B9D1: variants seen among roughly 807,000 people sequenced by gnomAD.
B9D1 encodes B9 domain-containing protein 1.
B9D1 carries 20 observed loss-of-function variants against 26.1 expected under a neutral mutation model. That is an observed-to-expected ratio of 0.77 (90% confidence interval 0.54 to 1.12). The LOEUF is 1.12. Ranked by LOEUF, B9D1 falls within the 50% of genes most tolerant of loss-of-function variation. B9D1 has a pLI of 0.00. For missense variants in B9D1, 260 were observed against 273.7 expected, an observed-to-expected ratio of 0.95 and a Z score of 0.35; for synonymous variants, 105 against 103.1, an observed-to-expected ratio of 1.02 and a Z score of -0.11.
At chr17:19,350,593 T>A (rs1170850123) in intron 3 of B9D1, among the ~76,000 whole-genome samples, 1 of 151,882 alleles carries the variant, frequency 6.6e-6, no homozygotes, top group South Asian at 2.1e-4. Context: ...TGGTGGTGCA[T>A]GCCTGTAATC....
intron 1 of B9D1, among the ~76,000 whole-genome samples, chr17:19,377,444 G>A (rs1276672705): frequency 1.3e-5 from 2 of 152,236 alleles, no homozygotes; most frequent in African/African-American, 2.4e-5. Context: ...TTCAGGAAAA[G>A]AGCATAATAT....
downstream of B9D1, among the ~76,000 whole-genome samples, chr17:19,341,812 A>G (rs1399418465): frequency 6.6e-6 from 1 of 152,158 alleles, no homozygotes; most frequent in African/African-American, 2.4e-5. Context: ...GGAGGGCACT[A>G]TGGGAAGTGC....
chr17:19,343,013 C>T, downstream of B9D1: 1 of 1,154,570 alleles, frequency 8.7e-7, no homozygotes. Flanking sequence ...AGCTCCCATC[C>T]CACATGCCAT....
chr17:19,377,001 C>T (rs1030147286), intron 1 of B9D1, among the ~76,000 whole-genome samples: 1 of 152,238 alleles, frequency 6.6e-6, no homozygotes, highest in East Asian at 1.9e-4. Flanking sequence ...CCAGAATAGA[C>T]ATTGAACAGA....
chr17:19,366,750 A>C (rs1197326483), upstream of B9D1, among the ~76,000 whole-genome samples: 1 of 152,206 alleles, frequency 6.6e-6, no homozygotes, highest in Non-Finnish European at 1.5e-5. Flanking sequence ...GGTTGCTTGA[A>C]ATGCCTGGTG....
At chr17:19,337,533 TAGG>T, downstream of B9D1, 1 of 574,736 alleles carries the variant, frequency 1.7e-6, no homozygotes, top group Non-Finnish European at 3.1e-6. Flanking sequence ...GACTCAGAGC[TAGG>T]AGGCTAGGGA....
At position 19,347,804 on chromosome 17, in the gene B9D1, G is replaced by T; in HGVS notation, c.321C>A (p.His107Gln). Residue 107 changes from histidine (H) to glutamine (Q), a missense_variant, in exon 4 of 7, where the codon CAC (histidine) becomes CAA (glutamine). His to Gln is a conservative substitution (Grantham distance 24). Transcript: ENST00000261499. The surrounding 1 kb of genome is among the most constrained non-coding windows in gnomAD (Gnocchi z 4.3). ...NDVVRGYGAV[H>Q]VPFSPGRHKR... ...CCTACCGGCCAGGTGAGAAGGGCAC[G>T]TGCACGGCCCCATAGCCTCGAACCA... 5 of 1,614,150 alleles carry T rather than the reference G, an allele frequency of 3.1e-6. No individual in the cohort carries two copies. Among genetic ancestry groups the T allele is most frequent in the Non-Finnish European group, 4.2e-6 (5 of 1,180,032 alleles).
At chr17:19,334,911 CTT>C (rs944925458), downstream of B9D1, 2 of 153,888 alleles carry the variant, frequency 1.3e-5, no homozygotes, top group African/African-American at 4.8e-5. This position sits in a 1 kb window ranked among gnomAD's most constrained non-coding sequence, Gnocchi z 4.9. Flanking sequence ...ATCTAATAGT[CTT>C]TTTTTGGCTA....
chr17:19,336,892 A>G (rs1262310370), downstream of B9D1, among the ~76,000 whole-genome samples: 1 of 152,128 alleles, frequency 6.6e-6, no homozygotes, highest in Non-Finnish European at 1.5e-5. Context: ...CCTCAGGGAA[A>G]GGGGGTGGGA....
At chr17:19,343,005 C>T, downstream of B9D1, 1 of 1,064,216 alleles carries the variant, frequency 9.4e-7, no homozygotes, top group Non-Finnish European at 1.2e-6. Flanking sequence ...TATGTCAAAG[C>T]TCCCATCCCA....
At chr17:19,348,603 A>T (rs1331487972) in intron 3 of B9D1, among the ~76,000 whole-genome samples, 7 of 152,182 alleles carry the variant, frequency 4.6e-5, no homozygotes, top group Admixed American at 1.3e-4. Context: ...TGTTAGGGAG[A>T]GGTTTGTGCC....
chr17:19,335,460 C>T, downstream of B9D1: 1 of 1,549,882 alleles, frequency 6.5e-7, no homozygotes, highest in Non-Finnish European at 8.7e-7. Flanking sequence ...ATGGAAGAAA[C>T]ATCTTTAACC....
At chr17:19,377,805 T>TGCAGCCC in intron 1 of B9D1, 1 of 982,204 alleles carries the variant, frequency 1.0e-6, no homozygotes, top group Admixed American at 6.1e-5. Flanking sequence ...TTAACTCCGC[T>TGCAGCCC]GCAGCCCAAA....
At chr17:19,342,394 G>A (rs776641313), downstream of B9D1, among the ~76,000 whole-genome samples, 6 of 152,116 alleles carry the variant, frequency 3.9e-5, no homozygotes, top group South Asian at 2.1e-4. Context: ...CAACATGGGC[G>A]AGGCTGGGAG....
intron 2 of B9D1, 109 bp downstream of exon 2, chr17:19,360,211 T>C (rs1378417378): frequency 3.8e-6 from 4 of 1,054,992 alleles, no homozygotes; most frequent in Non-Finnish European, 5.9e-6. Flanking sequence ...TCCCCTGAAC[T>C]CAGTCTCTAC....
intron 3 of B9D1, among the ~76,000 whole-genome samples, chr17:19,354,401 T>C (rs1205546229): frequency 1.3e-5 from 2 of 152,256 alleles, no homozygotes; most frequent in African/African-American, 2.4e-5. Context: ...TCACTATGCA[T>C]GTCAGCAAAT....
chr17:19,353,633 C>T (rs951535886), intron 3 of B9D1, among the ~76,000 whole-genome samples: 11 of 151,408 alleles, frequency 7.3e-5, no homozygotes, highest in African/African-American at 2.7e-4. Flanking sequence ...AAAAACGAGA[C>T]TTCATTTCAA....
chr17:19,360,442 C>T, intron 1 of B9D1, 54 bp from the exon 2 acceptor site: 1 of 1,528,532 alleles, frequency 6.5e-7, no homozygotes, highest in Non-Finnish European at 9.1e-7. Context: ...GAGGCCAATG[C>T]ATTTGCTAGG....
Position 19,347,428 on chromosome 17 carries a change from G to A in B9D1, c.342-97C>T. Reference sequence around the variant, plus strand: ...CTCAGATCAGGCCAGTGCAGCTGCAGCGTGGGCCAAGTCAGGGCCAATGTC... The same window carrying A: ...CTCAGATCAGGCCAGTGCAGCTGCAACGTGGGCCAAGTCAGGGCCAATGTC... On this transcript the variant is annotated intron_variant, in intron 4 of 6. Coordinates refer to ENST00000261499, the MANE Select transcript of B9D1 (RefSeq NM_015681.6). This position sits in a 1 kb window ranked among gnomAD's most constrained non-coding sequence, Gnocchi z 4.3. The A allele has an allele frequency of 6.9e-7, 1 of 1,439,074 alleles. No homozygotes were observed. 89.1% of individuals were successfully genotyped at this position (1,439,074 alleles called of 1,614,324 possible).
Sources: allele counts gnomAD v4.1 joint callset (sites outside exome capture counted in the v4.1 genomes callset), GRCh38; gene constraint gnomAD v4.1.1; non-coding constraint Gnocchi (gnomAD v3.1); transcripts MANE v1.5; gene names NCBI Gene and HGNC (gene_info 2026-07-23, HGNC 2026-07-21).